Variants in SPICE1 observed in about 807,000 individuals in gnomAD.
The protein encoded by SPICE1 is spindle and centriole-associated protein 1.
In SPICE1, 75 loss-of-function variants were observed where a neutral mutation model predicts 102.7. That is an observed-to-expected ratio of 0.73 (90% CI 0.61 to 0.88). The LOEUF is 0.88. Ranked by LOEUF, SPICE1 falls within the 40% of genes least tolerant of loss-of-function variation. The pLI is 0.00. For synonymous variants in SPICE1, 308 were observed against 350.3 expected, an observed-to-expected ratio of 0.88 and a Z score of 1.35; for missense variants, 979 against 1,020.1, an observed-to-expected ratio of 0.96 and a Z score of 0.55.
At chr3:113,452,705 C>T (rs941573896) in intron 14 of SPICE1, among the ~76,000 whole-genome samples, 30 of 144,732 alleles carry the variant, frequency 2.1e-4, no homozygotes, top group African/African-American at 7.5e-4. Context: ...ACAGGCTGGG[C>T]GCAGTGGCTC....
Position 113,499,300 on chromosome 3 carries a change from T to C in SPICE1, c.291+139A>G, listed in dbSNP as rs1936961365. On this transcript the variant is annotated intron_variant, in intron 4 of 17. Transcript: ENST00000295872. ...CTCCAGTCACCACTCTGTTGCTTTT[T>C]TTGAAGTCCACATGTAGATTATTGA... 4.3e-6 allele frequency: 4 copies of C among 936,244 alleles called. No individual in the cohort carries two copies. The Admixed American group carries it at 1.3e-4, about 31-fold the overall frequency. 58.0% of individuals were successfully genotyped at this position (936,244 alleles called of 1,614,324 possible).
rs1476955011 is a variant in SPICE1 at position 113,468,407 on chromosome 3, G to A, written c.890-3C>T. The A allele has an allele frequency of 1.2e-6, 2 of 1,609,542 alleles. No homozygotes were observed. Among genetic ancestry groups the A allele is most frequent in the South Asian group, 1.1e-5 (1 of 90,900 alleles). On this transcript the variant is annotated splice_region_variant and splice_polypyrimidine_tract_variant and intron_variant, in intron 9 of 17. Coordinates refer to ENST00000295872, the MANE Select transcript of SPICE1 (RefSeq NM_144718.4). ...ATGCAAATTCGGTTTCCTTTTCACTGATAATGAGAGAAGTCATTCTATTTT... is the reference window on the plus strand; with the variant it reads ...ATGCAAATTCGGTTTCCTTTTCACTAATAATGAGAGAAGTCATTCTATTTT...
At chr3:113,510,704 C>A (rs1423404910) in intron 1 of SPICE1, among the ~76,000 whole-genome samples, 1 of 152,110 alleles carries the variant, frequency 6.6e-6, no homozygotes, top group Non-Finnish European at 1.5e-5. Flanking sequence ...CACATACACA[C>A]AGGCAAAGAT....
chr3:113,501,439 T>C (rs1413865382), intron 3 of SPICE1, among the ~76,000 whole-genome samples: 1 of 151,918 alleles, frequency 6.6e-6, no homozygotes, highest in Non-Finnish European at 1.5e-5. Context: ...ATTAAAAACT[T>C]CCCTGCTTAA....
chr3:113,503,959 T>C (rs1407358691), intron 2 of SPICE1, among the ~76,000 whole-genome samples: 4 of 145,400 alleles, frequency 2.8e-5, no homozygotes, highest in Non-Finnish European at 6.0e-5. Flanking sequence ...AAAAAGAAAG[T>C]GTGATCACTA....
chr3:113,450,278 T>C, intron 15 of SPICE1, 58 bp downstream of exon 15: 1 of 1,604,426 alleles, frequency 6.2e-7, no homozygotes, highest in East Asian at 2.2e-5. Context: ...ACTTGCAAAA[T>C]CAAGAAAACT....
chr3:113,494,374 G>A (rs1018670282), intron 4 of SPICE1, among the ~76,000 whole-genome samples: 1 of 152,154 alleles, frequency 6.6e-6, no homozygotes, highest in Non-Finnish European at 1.5e-5. Context: ...TTGGCCGGGC[G>A]CGGTGGCTCA....
intron 3 of SPICE1, among the ~76,000 whole-genome samples, chr3:113,501,642 G>A (rs1299859005): frequency 6.6e-6 from 1 of 152,116 alleles, no homozygotes; most frequent in Non-Finnish European, 1.5e-5. Context: ...TAGTAGAAAT[G>A]GCCGAAAAGT....
At chr3:113,472,533 C>T (rs146479029) in intron 7 of SPICE1, among the ~76,000 whole-genome samples, 6,241 of 152,234 alleles carry the variant, frequency 0.041, 420 homozygotes, top group African/African-American at 0.14. Flanking sequence ...AGGAGGCAAC[C>T]CCCAGTAGGG....
chr3:113,451,036 A>G (rs1935640389), intron 14 of SPICE1, among the ~76,000 whole-genome samples: 1 of 152,234 alleles, frequency 6.6e-6, no homozygotes, highest in African/African-American at 2.4e-5. Context: ...GCTGGTCTCT[A>G]AGTAAATGCC....
At chr3:113,477,659 C>T (rs1936385853) in intron 7 of SPICE1, among the ~76,000 whole-genome samples, 1 of 151,874 alleles carries the variant, frequency 6.6e-6, no homozygotes. Flanking sequence ...AACTGGAAAT[C>T]ATCATTCTCA....
Position 113,450,368 on chromosome 3 carries a change from G to A in SPICE1, c.2291C>T (p.Ser764Leu). 6.2e-7 allele frequency: 1 copy of A among 1,614,072 alleles called. No individual in the cohort carries two copies. The highest frequency in any genetic ancestry group is 1.3e-5 in the African/African-American group (1 of 75,016). ...LVGLNLSPPM[S>L]PVQLPLRAWT... ...TGCTCTGAGAGGTAACTGAACAGGT[G>A]ACATTGGTGGAGAAAGATTCAAACC... The change falls in exon 15 of 18, where the codon TCA (serine) becomes TTA (leucine). Residue 764 changes from serine to leucine, a missense_variant. Physicochemically the swap from Ser to Leu is moderately radical, Grantham distance 145. Transcript: ENST00000295872.
At chr3:113,511,586 G>A (rs542873908) in intron 1 of SPICE1, among the ~76,000 whole-genome samples, 3 of 152,214 alleles carry the variant, frequency 2.0e-5, no homozygotes, top group South Asian at 4.1e-4. Context: ...AGGGAGGGGA[G>A]CAACACACAC....
intron 6 of SPICE1, 58 bp from the exon 7 acceptor site, chr3:113,489,121 CTTT>C: frequency 3.4e-6 from 3 of 879,820 alleles, no homozygotes; most frequent in Non-Finnish European, 5.1e-6. Context: ...CTCAGACTTT[CTTT>C]TTTTTTTTCT....
At chr3:113,451,923 C>T (rs1197704464) in intron 14 of SPICE1, among the ~76,000 whole-genome samples, 1 of 152,172 alleles carries the variant, frequency 6.6e-6, no homozygotes, top group Non-Finnish European at 1.5e-5. Context: ...CCAAAGCCCT[C>T]CAACCCACTG....
chr3:113,461,860 T>C (rs867424890), intron 11 of SPICE1, among the ~76,000 whole-genome samples: 1 of 152,146 alleles, frequency 6.6e-6, no homozygotes, highest in East Asian at 1.9e-4. Context: ...ATAGTAAACA[T>C]TTTTATACCA....
chr3:113,514,339 C>G (rs1292935926), intron 1 of SPICE1: 3 of 158,794 alleles, frequency 1.9e-5, no homozygotes, highest in Non-Finnish European at 3.7e-5. Flanking sequence ...GAAACAAGAA[C>G]TCTTTCCAAA....
intron 14 of SPICE1, among the ~76,000 whole-genome samples, chr3:113,450,762 G>A (rs1041525639): frequency 5.9e-5 from 9 of 152,002 alleles, no homozygotes; most frequent in Non-Finnish European, 1.2e-4. Flanking sequence ...ATTTTTAGCA[G>A]AGACGGGGTT....
In SPICE1 at chr3:113,494,158, T is replaced by C. The variant is rs1026349393; in HGVS notation, c.292-16A>G. 6.7e-7 allele frequency: 1 copy of C among 1,499,538 alleles called. No individual in the cohort carries two copies. 92.9% of individuals were successfully genotyped at this position (1,499,538 alleles called of 1,614,324 possible). A position where few individuals can be genotyped will look rare whatever the true frequency, so the allele number is the denominator to read the frequency against. ...CAGAAAGAATCTAGACATGTGTTAA[T>C]GACAAATATTATTATTCAGATTATA... On this transcript the variant is annotated splice_polypyrimidine_tract_variant and intron_variant, in intron 4 of 17. Transcript: ENST00000295872.
Sources: allele counts gnomAD v4.1 joint callset (sites outside exome capture counted in the v4.1 genomes callset), GRCh38; gene constraint gnomAD v4.1.1; transcripts MANE v1.5; gene names NCBI Gene and HGNC (gene_info 2026-07-23, HGNC 2026-07-21).